CACNA1D: variants seen among roughly 807,000 people sequenced by gnomAD.
CACNA1D encodes voltage-dependent L-type calcium channel subunit alpha-1D.
In CACNA1D, 55 loss-of-function variants were observed where a neutral mutation model predicts 257.1. The observed-to-expected ratio is 0.21, with a 90% CI of 0.17 to 0.27. The LOEUF is 0.27. Ranked by LOEUF, CACNA1D falls within the 10% of genes least tolerant of loss-of-function variation. The probability of loss-of-function intolerance (pLI) is 1.00; values close to 1 mark genes in which losing one functional copy is unlikely to be tolerated. For missense variants in CACNA1D, 1,876 were observed against 2,784.0 expected (o/e 0.67, Z 7.34); for synonymous variants, 980 against 1,014.9 (o/e 0.97, Z 0.65).
At chr3:53,746,349 C>T (rs2095169004) in intron 25 of CACNA1D, among the ~76,000 whole-genome samples, 1 of 152,194 alleles carries the variant, frequency 6.6e-6, no homozygotes, top group Admixed American at 6.5e-5. Flanking sequence ...CTTCCTCTCT[C>T]CTGGCTCCTA....
chr3:53,764,625 C>T (rs62250874), intron 30 of CACNA1D, among the ~76,000 whole-genome samples: 10,254 of 152,252 alleles, frequency 0.067, 406 homozygotes, highest in Middle Eastern at 0.12. Context: ...AGCACGCGCC[C>T]GGCTTCCTGG....
chr3:53,716,702 A>C (rs1204352946), intron 9 of CACNA1D, among the ~76,000 whole-genome samples: 1 of 152,186 alleles, frequency 6.6e-6, no homozygotes, highest in Non-Finnish European at 1.5e-5. Flanking sequence ...GCAATGTAAC[A>C]TGAGTCTATA....
chr3:53,747,579 C>A, intron 26 of CACNA1D, 131 bp downstream of exon 26: 1 of 912,094 alleles, frequency 1.1e-6, no homozygotes, highest in Non-Finnish European at 1.8e-6. Context: ...TAACCTTGGG[C>A]CACTTCTCAG....
chr3:53,581,167 T>G (rs1033730343), intron 3 of CACNA1D, among the ~76,000 whole-genome samples: 5 of 152,236 alleles, frequency 3.3e-5, no homozygotes, highest in Non-Finnish European at 5.9e-5. Context: ...GCCTTGTACA[T>G]GTGTGAGGAC....
chr3:53,734,426 ATATT>A (rs2095037149), intron 19 of CACNA1D, among the ~76,000 whole-genome samples: 1 of 152,112 alleles, frequency 6.6e-6, no homozygotes, highest in Non-Finnish European at 1.5e-5. Context: ...GTGTATACAT[ATATT>A]TATGTGTATG....
intron 4 of CACNA1D, among the ~76,000 whole-genome samples, chr3:53,651,896 G>C (rs1402323051): frequency 6.6e-6 from 1 of 152,038 alleles, no homozygotes; most frequent in Non-Finnish European, 1.5e-5. Flanking sequence ...GACTAATTCT[G>C]CTGGGTATTG....
chr3:53,667,653 C>G (rs1018558687), intron 7 of CACNA1D, among the ~76,000 whole-genome samples: 8 of 152,176 alleles, frequency 5.3e-5, no homozygotes, highest in African/African-American at 1.9e-4. Flanking sequence ...CCTTCAGCAG[C>G]TCACAGGATT....
At position 53,811,545 on chromosome 3, in the gene CACNA1D, A is replaced by C; in HGVS notation, c.*139A>C. 1 of 710,528 alleles carries C rather than the reference A, an allele frequency of 1.4e-6. No individual in the cohort carries two copies. Among genetic ancestry groups the C allele is most frequent in the South Asian group, 2.2e-5 (1 of 46,048 alleles). 44.0% of individuals were successfully genotyped at this position (710,528 alleles called of 1,614,324 possible). A position where few individuals can be genotyped will look rare whatever the true frequency, so the allele number is the denominator to read the frequency against. On this transcript the variant is annotated 3_prime_UTR_variant, in exon 48 of 48. Coordinates refer to ENST00000350061, the MANE Select transcript of CACNA1D (RefSeq NM_001128840.3). This position sits in a 1 kb window ranked among gnomAD's most constrained non-coding sequence, Gnocchi z 4.2. ...ATTAGACTTTTGTATAAGAGATGTCATGCCTCAAGAAAGCCATAAACCTGG... is the reference window on the plus strand; with the variant it reads ...ATTAGACTTTTGTATAAGAGATGTCCTGCCTCAAGAAAGCCATAAACCTGG...
chr3:53,659,642 G>T (rs2094183811), intron 4 of CACNA1D, among the ~76,000 whole-genome samples: 1 of 152,206 alleles, frequency 6.6e-6, no homozygotes, highest in Admixed American at 6.5e-5. Flanking sequence ...TACATGTGTT[G>T]CTGCTAGTTG....
Position 53,801,348 on chromosome 3 carries a change from T to TGAG in CACNA1D, c.5332_5334dup (p.Glu1778dup), listed in dbSNP as rs1559712807. On this transcript the variant is annotated inframe_insertion, in exon 42 of 48. Coordinates refer to ENST00000350061, the MANE Select transcript of CACNA1D (RefSeq NM_001128840.3). Reference sequence around the variant, plus strand: ...GAAAGCGGCCCAGCATTGGGAACCTTGAGCATGTGTCTGAAAATGGGCATC... The same window carrying TGAG: ...GAAAGCGGCCCAGCATTGGGAACCTTGAGGAGCATGTGTCTGAAAATGGGCATC... The TGAG allele has an allele frequency of 6.2e-7, 1 of 1,614,134 alleles. No individual in the cohort carries two copies.
chr3:53,528,484 C>T (rs1462155988), intron 3 of CACNA1D, among the ~76,000 whole-genome samples: 4 of 152,184 alleles, frequency 2.6e-5, no homozygotes, highest in Middle Eastern at 3.2e-3. Flanking sequence ...TTGTTCTCCA[C>T]CCCTCACTAC....
intron 20 of CACNA1D, among the ~76,000 whole-genome samples, chr3:53,739,748 G>A (rs998115042): frequency 1.4e-4 from 21 of 152,338 alleles, no homozygotes; most frequent in Admixed American, 7.8e-4. Flanking sequence ...CGCATGAGCA[G>A]GGAAGGGTGC....
chr3:53,535,168 G>A (rs1185199394), intron 3 of CACNA1D, among the ~76,000 whole-genome samples: 2 of 152,218 alleles, frequency 1.3e-5, no homozygotes, highest in East Asian at 3.8e-4. Context: ...TATCCTTGCT[G>A]CTAGCTCCTC....
chr3:53,684,958 A>G (rs1237134127), intron 8 of CACNA1D, among the ~76,000 whole-genome samples: 2 of 152,186 alleles, frequency 1.3e-5, no homozygotes, highest in African/African-American at 4.8e-5. Context: ...GTACTAAATT[A>G]TCCAAAATAA....
In CACNA1D at chr3:53,692,284, CG is replaced by C. The variant is rs533798556; in HGVS notation, c.1221-10355del. ...GACTGTGAAGTAAATTCTGCAAAAG[CG>C]GAGTTCTAATCTGGAGGACTCTAAG... On this transcript the variant is annotated intron_variant, in intron 8 of 47. Coordinates refer to ENST00000350061, the MANE Select transcript of CACNA1D (RefSeq NM_001128840.3). Among the ~76,000 whole-genome samples, 8 of 152,102 alleles carry C rather than the reference CG, an allele frequency of 5.3e-5. No individual in the cohort carries two copies. The South Asian group carries it at 1.7e-3, about 32-fold the overall frequency.
At chr3:53,537,988 C>G (rs2092163476) in intron 3 of CACNA1D, among the ~76,000 whole-genome samples, 1 of 151,956 alleles carries the variant, frequency 6.6e-6, no homozygotes, top group Admixed American at 6.6e-5. Flanking sequence ...TCTGATTGTC[C>G]TTTTTTGTGA....
intron 8 of CACNA1D, among the ~76,000 whole-genome samples, chr3:53,676,074 T>A (rs1446042911): frequency 6.6e-6 from 1 of 152,212 alleles, no homozygotes; most frequent in Non-Finnish European, 1.5e-5. Context: ...GGTGCCAGGA[T>A]GTCTCAGACA....
intron 3 of CACNA1D, among the ~76,000 whole-genome samples, chr3:53,567,763 GTGTAGT>G (rs2092872521): frequency 6.6e-6 from 1 of 152,206 alleles, no homozygotes; most frequent in African/African-American, 2.4e-5. Flanking sequence ...CTTAATCTCT[GTGTAGT>G]TATGGACATG....
In CACNA1D at chr3:53,800,976, A is replaced by T. The variant is rs2095533576; in HGVS notation, c.5041-82A>T. ...GGAGCTTGCCTAGAATTTGTTTTTCATGTAGAAAAAGTTACCTAACATAGC... is the reference window on the plus strand; with the variant it reads ...GGAGCTTGCCTAGAATTTGTTTTTCTTGTAGAAAAAGTTACCTAACATAGC... On this transcript the variant is annotated intron_variant, in intron 41 of 47. Coordinates refer to ENST00000350061, the MANE Select transcript of CACNA1D (RefSeq NM_001128840.3). The surrounding 1 kb of genome is among the most constrained non-coding windows in gnomAD (Gnocchi z 4.3). 2 of 1,409,788 alleles carry T rather than the reference A, an allele frequency of 1.4e-6. No homozygotes were observed. Among genetic ancestry groups the T allele is most frequent in the South Asian group, 1.2e-5 (1 of 86,564 alleles). The allele number at this position is 1,409,788 out of a possible 1,614,324, so 87.3% of individuals were successfully genotyped here.
Sources: allele counts gnomAD v4.1 joint callset (sites outside exome capture counted in the v4.1 genomes callset), GRCh38; gene constraint gnomAD v4.1.1; non-coding constraint Gnocchi (gnomAD v3.1); transcripts MANE v1.5; gene names NCBI Gene and HGNC (gene_info 2026-07-23, HGNC 2026-07-21).